NRXN3: variants seen among roughly 807,000 people sequenced by gnomAD.
The protein encoded by NRXN3 is neurexin III.
Under a neutral mutation model 137.6 loss-of-function variants are expected in NRXN3, and 32 were observed. The observed-to-expected ratio is 0.23, with a 90% confidence interval of 0.18 to 0.31. The LOEUF is 0.31. Among genes scored for constraint, NRXN3 ranks in the 10% least tolerant of loss-of-function variants. NRXN3 has a pLI of 1.00. For synonymous variants in NRXN3, 798 were observed against 784.5 expected (o/e 1.02, Z -0.29); for missense variants, 1,574 against 2,062.5 (o/e 0.76, Z 4.59).
intron 15 of NRXN3, among the ~76,000 whole-genome samples, chr14:79,097,750 T>C (rs2050604049): frequency 6.6e-6 from 1 of 152,292 alleles, no homozygotes; most frequent in African/African-American, 2.4e-5. Context: ...CCTGTATATA[T>C]TTTTCATGTA....
intron 15 of NRXN3, among the ~76,000 whole-genome samples, chr14:79,449,860 A>G (rs1395342076): frequency 1.3e-5 from 2 of 151,890 alleles, no homozygotes; most frequent in East Asian, 1.9e-4. Flanking sequence ...GTGTGGTGGC[A>G]GGTGCCTGTA....
At chr14:79,846,904 C>A (rs1293279369) in intron 20 of NRXN3, among the ~76,000 whole-genome samples, 1 of 151,892 alleles carries the variant, frequency 6.6e-6, no homozygotes, top group African/African-American at 2.4e-5. Context: ...TATATTTTAC[C>A]CCCCACACTA....
intron 4 of NRXN3, among the ~76,000 whole-genome samples, chr14:78,633,337 A>G (rs1199553735): frequency 6.6e-6 from 1 of 151,488 alleles, no homozygotes; most frequent in East Asian, 1.9e-4. Flanking sequence ...AGTTTTATGC[A>G]CCATATTAGT....
chr14:79,652,601 G>A (rs934868590), intron 16 of NRXN3, among the ~76,000 whole-genome samples: 2 of 152,040 alleles, frequency 1.3e-5, no homozygotes, highest in African/African-American at 2.4e-5. Flanking sequence ...TTATTCTATC[G>A]AAAGAGCACA....
chr14:78,882,230 A>G (rs1336063640), intron 10 of NRXN3, among the ~76,000 whole-genome samples: 3 of 151,790 alleles, frequency 2.0e-5, no homozygotes, highest in Non-Finnish European at 4.4e-5. Flanking sequence ...GCAGTGCAGA[A>G]GGGAAATGTG....
chr14:79,260,575 A>G (rs2077447004), intron 15 of NRXN3, among the ~76,000 whole-genome samples: 1 of 152,118 alleles, frequency 6.6e-6, no homozygotes, highest in Non-Finnish European at 1.5e-5. Flanking sequence ...TGCACTTCTC[A>G]GTTTGGGGGC....
At chr14:79,245,810 T>C (rs1056342487) in intron 15 of NRXN3, among the ~76,000 whole-genome samples, 10 of 152,144 alleles carry the variant, frequency 6.6e-5, no homozygotes, top group African/African-American at 2.4e-4. Context: ...GCCAGAGTCC[T>C]TTTTAAAAAA....
chr14:78,863,489 A>G (rs935957324), intron 10 of NRXN3, among the ~76,000 whole-genome samples: 4 of 152,012 alleles, frequency 2.6e-5, no homozygotes, highest in Non-Finnish European at 2.9e-5. Flanking sequence ...CTCATCAATC[A>G]TATGTGACAG....
intron 15 of NRXN3, among the ~76,000 whole-genome samples, chr14:79,013,045 T>G (rs944893954): frequency 1.3e-5 from 2 of 152,134 alleles, no homozygotes; most frequent in Non-Finnish European, 2.9e-5. Context: ...AAACACATGG[T>G]GTATGTGTAT....
chr14:78,626,586 C>A (rs967111546), intron 4 of NRXN3, among the ~76,000 whole-genome samples: 1 of 152,108 alleles, frequency 6.6e-6, no homozygotes, highest in African/African-American at 2.4e-5. Context: ...ATATATCTCC[C>A]CAAAGTGGTC....
At chr14:79,254,958 G>A (rs182538850) in intron 15 of NRXN3, among the ~76,000 whole-genome samples, 7 of 150,048 alleles carry the variant, frequency 4.7e-5, no homozygotes, top group African/African-American at 1.7e-4. Flanking sequence ...ATTGATTTAT[G>A]TGCTTTTGCT....
At chr14:79,350,960 T>C (rs1401079766) in intron 15 of NRXN3, among the ~76,000 whole-genome samples, 1 of 152,212 alleles carries the variant, frequency 6.6e-6, no homozygotes, top group Non-Finnish European at 1.5e-5. Context: ...AATGCTATTA[T>C]AATCCTCAAT....
intron 1 of NRXN3, among the ~76,000 whole-genome samples, chr14:78,235,012 A>ATATATGTG (rs1567037381): frequency 3.0e-5 from 3 of 99,198 alleles, no homozygotes; most frequent in African/African-American, 4.2e-5. Context: ...ATATATATAT[A>ATATATGTG]TATATATATA....
At chr14:78,603,853 A>T (rs1191217104) in intron 4 of NRXN3, among the ~76,000 whole-genome samples, 5 of 152,176 alleles carry the variant, frequency 3.3e-5, no homozygotes, top group Admixed American at 1.3e-4. Context: ...GTTGGCACCG[A>T]CAGTCACAGT....
intron 15 of NRXN3, among the ~76,000 whole-genome samples, chr14:79,349,751 A>C (rs563288685): frequency 6.6e-6 from 1 of 152,292 alleles, no homozygotes; most frequent in Non-Finnish European, 1.5e-5. Context: ...TCAAGTCATC[A>C]GTGTGGGCCC....
intron 20 of NRXN3, among the ~76,000 whole-genome samples, chr14:79,826,062 C>A (rs914251368): frequency 6.6e-6 from 1 of 151,880 alleles, no homozygotes. Context: ...GTGGTGCGAT[C>A]TCGGCTCACT....
chr14:79,538,845 A>G (rs1207730158), intron 16 of NRXN3, among the ~76,000 whole-genome samples: 2 of 152,136 alleles, frequency 1.3e-5, no homozygotes, highest in Non-Finnish European at 2.9e-5. Context: ...CATTACTTAT[A>G]ATGTCGAATT....
chr14:79,084,014 A>C lies in NRXN3; in HGVS notation c.3262+95873A>C, dbSNP rs373535863. Reference sequence around the variant, plus strand: ...CGACCCCCACCCCTAAGCTCAAGCGATCCTCCCACCTCAGCCTCCTGAGTA... The same window carrying C: ...CGACCCCCACCCCTAAGCTCAAGCGCTCCTCCCACCTCAGCCTCCTGAGTA... On this transcript the variant is annotated intron_variant, in intron 15 of 20. Transcript: ENST00000335750. 8.0e-4 allele frequency among the ~76,000 whole-genome samples: 122 copies of C among 152,154 alleles called. 1 individual carries two copies. In the South Asian group the frequency reaches 0.022, roughly 28 times the overall value.
intron 16 of NRXN3, among the ~76,000 whole-genome samples, chr14:79,469,565 G>A (rs2096472545): frequency 6.6e-6 from 1 of 152,046 alleles, no homozygotes; most frequent in African/African-American, 2.4e-5. Context: ...AAAATTACCA[G>A]ACATTTTATA....
Sources: allele counts gnomAD v4.1 joint callset (sites outside exome capture counted in the v4.1 genomes callset), GRCh38; gene constraint gnomAD v4.1.1; transcripts MANE v1.5; gene names NCBI Gene and HGNC (gene_info 2026-07-23, HGNC 2026-07-21).